Variants in ARFGEF3 observed in about 807,000 individuals in gnomAD.
ARFGEF3 encodes brefeldin A-inhibited guanine nucleotide-exchange protein 3.
ARFGEF3 carries 96 observed loss-of-function variants against 221.7 expected under a neutral mutation model. That is an observed-to-expected ratio of 0.43 (90% CI 0.37 to 0.51). The LOEUF is 0.51. ARFGEF3 is among the 20% of genes least tolerant of loss of function. The pLI, the probability that ARFGEF3 is intolerant of heterozygous loss-of-function variation, is 0.00. For synonymous variants in ARFGEF3, 1,145 were observed against 1,126.8 expected, an observed-to-expected ratio of 1.02 and a Z score of -0.32; for missense variants, 2,410 against 2,789.9, an observed-to-expected ratio of 0.86 and a Z score of 3.07.
Position 138,289,915 on chromosome 6 carries a change from C to T in ARFGEF3, c.2994C>T (p.Ser998=), listed in dbSNP as rs201148385. 156 of 1,613,832 alleles carry T rather than the reference C, an allele frequency of 9.7e-5. 1 individual carries two copies. In the East Asian group the frequency reaches 3.4e-3, roughly 35 times the overall value. Residue 998 remains serine, a synonymous_variant, in exon 18 of 34, where the codon AGC becomes AGT. Coordinates refer to ENST00000251691, the MANE Select transcript of ARFGEF3 (RefSeq NM_020340.5). ...AHVLCMEAIL[S]VGLEMGSHNP... ...TCTTGTGCATGGAGGCCATCCTCAG[C>T]GTAGGCCTGGAGATGGGAAGCCACA...
intron 5 of ARFGEF3, among the ~76,000 whole-genome samples, chr6:138,235,431 A>G (rs1191332526): frequency 6.6e-6 from 1 of 152,172 alleles, no homozygotes; most frequent in Non-Finnish European, 1.5e-5. Context: ...AGGCTTTCCC[A>G]GTGTTGATTC....
intron 24 of ARFGEF3, among the ~76,000 whole-genome samples, 151 bp downstream of exon 24, chr6:138,309,012 A>G (rs1779777953): frequency 6.6e-6 from 1 of 152,092 alleles, no homozygotes; most frequent in Admixed American, 6.6e-5. Context: ...AAAAGCAAAA[A>G]CTTACTGTGA....
rs1488924450 is a variant in ARFGEF3 at position 138,336,459 on chromosome 6, G to C, written c.6507G>C (p.Val2169=). 17 of 1,611,290 alleles carry C rather than the reference G, an allele frequency of 1.1e-5. No individual in the cohort carries two copies. The highest frequency in any genetic ancestry group is 1.4e-5 in the Non-Finnish European group (16 of 1,178,702). ...RQAVREWLGR[V]GRVYDIIV ...CTGTGAGGGAGTGGCTGGGCAGGGT[G>C]GGCCGTGTCTATGACATCATTGTGT... is the stretch of plus-strand genomic sequence containing the variant. The change falls in exon 34 of 34, where the codon GTG becomes GTC. Residue 2169 remains valine, a synonymous_variant. Coordinates refer to ENST00000251691, the MANE Select transcript of ARFGEF3 (RefSeq NM_020340.5).
rs1777899106 is a variant in ARFGEF3, at chr6:138,217,798, T to C, written c.351+7757T>C. 7.4e-6 allele frequency: 6 copies of C among 808,254 alleles called. No individual in the cohort carries two copies. The South Asian group carries it at 1.5e-4, about 20-fold the overall frequency. The allele number at this position is 808,254 out of a possible 1,614,324, so 50.1% of individuals were successfully genotyped here. On this transcript the variant is annotated intron_variant, in intron 4 of 33. Transcript: ENST00000251691. Reference sequence around the variant, plus strand: ...TAGATAATAATCTATGAGTTCAAGATTGAGAAAGATCAACATGGGTTTGTA... The same window carrying C: ...TAGATAATAATCTATGAGTTCAAGACTGAGAAAGATCAACATGGGTTTGTA...
chr6:138,224,054 T>C (rs1378607136), intron 4 of ARFGEF3, among the ~76,000 whole-genome samples: 1 of 152,132 alleles, frequency 6.6e-6, no homozygotes, highest in Admixed American at 6.5e-5. Flanking sequence ...CACAGGTAGG[T>C]GTAGTGTGGC....
intron 5 of ARFGEF3, among the ~76,000 whole-genome samples, chr6:138,235,203 G>A (rs1778263656): frequency 6.6e-6 from 1 of 152,064 alleles, no homozygotes; most frequent in Non-Finnish European, 1.5e-5. Flanking sequence ...TACTTTTGGG[G>A]TTTATTTTGT....
intron 4 of ARFGEF3, among the ~76,000 whole-genome samples, chr6:138,225,341 A>G (rs1212976460): frequency 6.6e-6 from 1 of 152,170 alleles, no homozygotes; most frequent in African/African-American, 2.4e-5. Flanking sequence ...TCACACTTCC[A>G]TGCCTTGCTC....
chr6:138,234,726 T>G (rs934942495), intron 5 of ARFGEF3, among the ~76,000 whole-genome samples: 1 of 152,208 alleles, frequency 6.6e-6, no homozygotes, highest in African/African-American at 2.4e-5. Flanking sequence ...TTCCTTCTGC[T>G]TTTTTATAGC....
chr6:138,175,180 C>A (rs1356132851), intron 2 of ARFGEF3, among the ~76,000 whole-genome samples: 3 of 152,154 alleles, frequency 2.0e-5, no homozygotes, highest in African/African-American at 7.2e-5. Context: ...TAATGCAGAG[C>A]CTATTGATAT....
chr6:138,226,238 CCT>C (rs1469632080), intron 4 of ARFGEF3, among the ~76,000 whole-genome samples: 1 of 152,126 alleles, frequency 6.6e-6, no homozygotes, highest in East Asian at 1.9e-4. Flanking sequence ...CACATCCATC[CCT>C]CTCTCATATT....
intron 2 of ARFGEF3, among the ~76,000 whole-genome samples, chr6:138,178,546 A>G (rs534155570): frequency 3.3e-5 from 5 of 152,130 alleles, no homozygotes; most frequent in African/African-American, 1.2e-4. Context: ...TTCTTACATA[A>G]TCCTGTCGTG....
chr6:138,238,113 A>G (rs1778320378), intron 5 of ARFGEF3, among the ~76,000 whole-genome samples: 1 of 152,210 alleles, frequency 6.6e-6, no homozygotes, highest in East Asian at 1.9e-4. Context: ...GCGTTTTGCT[A>G]ACCCTTTTCC....
chr6:138,259,715 C>T (rs1325383301), intron 10 of ARFGEF3, among the ~76,000 whole-genome samples: 2 of 152,152 alleles, frequency 1.3e-5, no homozygotes, highest in Non-Finnish European at 2.9e-5. Flanking sequence ...AGTTCAAGAT[C>T]AGGCTGGCCA....
chr6:138,287,181 C>T lies in ARFGEF3; in HGVS notation c.2893C>T (p.Gln965Ter). ...EAQEPSDAIT[Q>*]VKLKVEQKLE... Reference sequence around the variant, plus strand: ...CCAAGAACCCAGTGATGCCATCACACAAGGTAACAACTGGAGGGCCAGAAC... The same window carrying T: ...CCAAGAACCCAGTGATGCCATCACATAAGGTAACAACTGGAGGGCCAGAAC... Residue 965 changes from glutamine (Q) to a stop codon, truncating the protein, a stop_gained, in exon 17 of 34, where the codon CAA (glutamine) becomes TAA (stop). Coordinates refer to ENST00000251691, the MANE Select transcript of ARFGEF3 (RefSeq NM_020340.5). LOFTEE classifies it high-confidence loss of function. 6.4e-7 allele frequency: 1 copy of T among 1,559,186 alleles called. No individual in the cohort carries two copies. Among genetic ancestry groups the T allele is most frequent in the Non-Finnish European group, 8.7e-7 (1 of 1,151,224 alleles).
chr6:138,318,736 T>C (rs1160413754), intron 27 of ARFGEF3, among the ~76,000 whole-genome samples: 3 of 152,222 alleles, frequency 2.0e-5, no homozygotes, highest in Admixed American at 2.0e-4. Flanking sequence ...ATGCTTTGCT[T>C]TTGTAATCAT....
intron 9 of ARFGEF3, 94 bp from the exon 10 acceptor site, chr6:138,255,342 A>C (rs1778655599): frequency 2.3e-6 from 2 of 874,188 alleles, no homozygotes; most frequent in African/African-American, 1.7e-5. Context: ...AAAGAGCCGC[A>C]CTCTTGTCAT....
At position 138,162,303 on chromosome 6, in the gene ARFGEF3, G is replaced by A. The variant is rs1367394960; in HGVS notation, c.85+132G>A. The A allele has an allele frequency of 1.8e-6, 1 of 567,336 alleles. No homozygotes were observed. Among genetic ancestry groups the A allele is most frequent in the African/African-American group, 2.0e-5 (1 of 49,286 alleles). The allele number at this position is 567,336 out of a possible 1,614,324, so 35.1% of individuals were successfully genotyped here. A position where few individuals can be genotyped will look rare whatever the true frequency, so the allele number is the denominator to read the frequency against. On this transcript the variant is annotated intron_variant, in intron 1 of 33. Transcript: ENST00000251691. The surrounding 1 kb of genome is among the most constrained non-coding windows in gnomAD (Gnocchi z 4.7). ...TCTGGCGATTGCGAGAGTCGCCTCG[G>A]GAAATTGATGTGGGATTTGAGAGTC...
At chr6:138,287,777 G>A (rs1779323726) in intron 17 of ARFGEF3, among the ~76,000 whole-genome samples, 2 of 152,132 alleles carry the variant, frequency 1.3e-5, no homozygotes, top group Non-Finnish European at 2.9e-5. Context: ...CAAACAAAAG[G>A]AAAAATGCCA....
Position 138,279,041 on chromosome 6 carries a change from C to T in ARFGEF3, c.2295+424C>T, listed in dbSNP as rs187033590. Among the ~76,000 whole-genome samples, 302 of 152,230 alleles carry T rather than the reference C, an allele frequency of 2.0e-3. 3 individuals are homozygous for T. Among genetic ancestry groups the T allele is most frequent in the African/African-American group, 5.9e-3 (245 of 41,528 alleles). ...TTTTCTTTTTTTTGAGACAGAGCCC[C>T]GCTTTGTTGTCCAGGCTAGAGTGCA... On this transcript the variant is annotated intron_variant, in intron 13 of 33. Transcript: ENST00000251691.
Sources: gnomAD v4.1 joint callset for allele counts (sites outside exome capture counted in the v4.1 genomes callset) on GRCh38, gnomAD v4.1.1 for gene constraint, Gnocchi (gnomAD v3.1) non-coding constraint, MANE v1.5 for transcripts, NCBI Gene and HGNC (gene_info 2026-07-23, HGNC 2026-07-21) for gene names.